AUTS2: variants seen among roughly 807,000 people sequenced by gnomAD.
The protein encoded by AUTS2 is activator of transcription and developmental regulator AUTS2, also known as autism susceptibility gene 2 protein.
In AUTS2, 17 loss-of-function variants were observed where a neutral mutation model predicts 112.4. That is an observed-to-expected ratio of 0.15 (90% CI 0.10 to 0.23). The LOEUF is 0.23. Among genes scored for constraint, AUTS2 ranks in the 10% least tolerant of loss-of-function variants. The pLI, the probability that AUTS2 is intolerant of heterozygous loss-of-function variation, is 1.00. For synonymous variants in AUTS2, 751 were observed against 702.7 expected (o/e 1.07, Z -1.09); for missense variants, 1,510 against 1,701.6 (o/e 0.89, Z 1.98).
At chr7:70,426,344 A>T (rs549224709) in intron 4 of AUTS2, among the ~76,000 whole-genome samples, 1 of 152,274 alleles carries the variant, frequency 6.6e-6, no homozygotes, top group African/African-American at 2.4e-5. Flanking sequence ...AGTTTCTCTT[A>T]CTGAGCACAT....
At chr7:70,717,502 T>C (rs1397010294) in intron 6 of AUTS2, among the ~76,000 whole-genome samples, 3 of 152,166 alleles carry the variant, frequency 2.0e-5, no homozygotes, top group Non-Finnish European at 2.9e-5. Context: ...TGTGTGTATT[T>C]ATATGTGTCA....
chr7:70,092,210 A>AG (rs1358511089), intron 2 of AUTS2, among the ~76,000 whole-genome samples: 4 of 152,148 alleles, frequency 2.6e-5, no homozygotes, highest in African/African-American at 9.7e-5. Flanking sequence ...TCTGTGCTGT[A>AG]GCTCAGATTT....
intron 2 of AUTS2, among the ~76,000 whole-genome samples, chr7:70,001,979 G>C (rs1799218664): frequency 6.6e-6 from 1 of 152,152 alleles, no homozygotes. Context: ...CCAAAGTGCT[G>C]AGATTACAGG....
chr7:70,065,151 A>G (rs1267650497), intron 2 of AUTS2, among the ~76,000 whole-genome samples: 4 of 152,122 alleles, frequency 2.6e-5, no homozygotes, highest in African/African-American at 9.7e-5. Flanking sequence ...AATCTGTTCA[A>G]TCCCACCACC....
chr7:70,156,052 G>T (rs1324154942), intron 4 of AUTS2, among the ~76,000 whole-genome samples: 5 of 152,050 alleles, frequency 3.3e-5, no homozygotes, highest in African/African-American at 1.2e-4. Flanking sequence ...GTGTCTGACC[G>T]GATTGTCTCC....
intron 4 of AUTS2, among the ~76,000 whole-genome samples, chr7:70,347,164 A>T (rs1249274631): frequency 5.3e-5 from 8 of 152,064 alleles, no homozygotes; most frequent in Admixed American, 5.2e-4. Context: ...ATCCCCTGCA[A>T]TCACTTCTTA....
chr7:70,745,559 A>C (rs1438489322), intron 6 of AUTS2, among the ~76,000 whole-genome samples: 1 of 152,190 alleles, frequency 6.6e-6, no homozygotes, highest in Non-Finnish European at 1.5e-5. Flanking sequence ...TTCTATGCAC[A>C]TAAAAGTGTG....
intron 4 of AUTS2, among the ~76,000 whole-genome samples, chr7:70,162,133 C>T (rs1808106791): frequency 6.6e-6 from 1 of 151,950 alleles, no homozygotes; most frequent in South Asian, 2.1e-4. Context: ...GTAGAATTTC[C>T]TATTCTGGAT....
intron 4 of AUTS2, among the ~76,000 whole-genome samples, chr7:70,174,241 C>G (rs1173831860): frequency 1.3e-5 from 2 of 152,186 alleles, no homozygotes; most frequent in African/African-American, 4.8e-5. Flanking sequence ...TTACAACATT[C>G]CCTTAAGCCA....
At chr7:70,294,624 C>A (rs1002049272) in intron 4 of AUTS2, among the ~76,000 whole-genome samples, 1 of 152,196 alleles carries the variant, frequency 6.6e-6, no homozygotes, top group Non-Finnish European at 1.5e-5. Context: ...CTAGCATGAT[C>A]GTTTTTCCTT....
At chr7:70,080,217 A>G (rs1803235823) in intron 2 of AUTS2, among the ~76,000 whole-genome samples, 3 of 152,340 alleles carry the variant, frequency 2.0e-5, no homozygotes, top group African/African-American at 7.2e-5. Context: ...AGTATGTTGT[A>G]TTTGCATCCA....
At chr7:69,832,038 AC>A (rs1791522598) in intron 1 of AUTS2, among the ~76,000 whole-genome samples, 1 of 152,042 alleles carries the variant, frequency 6.6e-6, no homozygotes, top group African/African-American at 2.4e-5. Flanking sequence ...TATCCTTTGA[AC>A]CTATGGTAAT....
chr7:70,452,830 A>G (rs1055656359), intron 5 of AUTS2, among the ~76,000 whole-genome samples: 2 of 152,210 alleles, frequency 1.3e-5, no homozygotes, highest in Non-Finnish European at 2.9e-5. Context: ...GGGAAGATGG[A>G]CAGCAAAGAC....
chr7:69,999,106 C>A (rs988756368), intron 2 of AUTS2, among the ~76,000 whole-genome samples: 2 of 152,100 alleles, frequency 1.3e-5, no homozygotes. Flanking sequence ...AAGTTTATAG[C>A]AAATTATCAT....
chr7:70,700,699 A>G (rs147275060), intron 6 of AUTS2, among the ~76,000 whole-genome samples: 41 of 152,304 alleles, frequency 2.7e-4, no homozygotes, highest in African/African-American at 9.9e-4. Flanking sequence ...AAAGGGATTC[A>G]TTGTGTAGCG....
At chr7:69,946,170 C>T (rs1308143811) in intron 2 of AUTS2, among the ~76,000 whole-genome samples, 2 of 152,076 alleles carry the variant, frequency 1.3e-5, no homozygotes, top group Non-Finnish European at 2.9e-5. Flanking sequence ...TTGAATTCTA[C>T]ATGTAAATGA....
chr7:69,887,879 T>TC (rs1794344978), intron 1 of AUTS2, among the ~76,000 whole-genome samples: 1 of 152,204 alleles, frequency 6.6e-6, no homozygotes, highest in African/African-American at 2.4e-5. Flanking sequence ...CATTTTTTTT[T>TC]CTCTTGGGGT....
intron 5 of AUTS2, among the ~76,000 whole-genome samples, chr7:70,492,105 T>G (rs1344982009): frequency 6.6e-6 from 1 of 152,082 alleles, no homozygotes; most frequent in Non-Finnish European, 1.5e-5. Flanking sequence ...AGTGGAGACC[T>G]GCCTGCCTCA....
At chr7:70,785,045 T>C (rs755806145) in intron 16 of AUTS2, 26 bp downstream of exon 16, 2 of 1,610,472 alleles carry the variant, frequency 1.2e-6, no homozygotes, top group Non-Finnish European at 1.7e-6. Flanking sequence ...TAATGGGAAC[T>C]GAGATGTGTG....
Sources: gnomAD v4.1 joint callset for allele counts (sites outside exome capture counted in the v4.1 genomes callset) on GRCh38, gnomAD v4.1.1 for gene constraint, MANE v1.5 for transcripts, NCBI Gene and HGNC (gene_info 2026-07-23, HGNC 2026-07-21) for gene names.